WNK1: variants seen among roughly 807,000 people sequenced by gnomAD.
WNK1 encodes the protein serine/threonine-protein kinase WNK1.
In WNK1, 38 loss-of-function variants were observed where a neutral mutation model predicts 222.8. The ratio of observed to expected loss-of-function variants is 0.17; its 90% CI spans 0.13 to 0.22. The LOEUF is 0.22. Ranked by LOEUF, WNK1 falls within the 10% of genes least tolerant of loss-of-function variation. The pLI is 1.00. For synonymous variants in WNK1, 1,090 were observed against 1,092.9 expected, an observed-to-expected ratio of 1.00 and a Z score of 0.05; for missense variants, 2,348 against 2,918.4, an observed-to-expected ratio of 0.80 and a Z score of 4.50.
chr12:802,948 G>C (rs1353952455), intron 1 of WNK1, among the ~76,000 whole-genome samples: 5 of 152,096 alleles, frequency 3.3e-5, no homozygotes, highest in Non-Finnish European at 5.9e-5. Flanking sequence ...ATTTTCCATA[G>C]TATTCATATT....
chr12:881,930 T>C lies in WNK1; in HGVS notation c.3229T>C (p.Ser1077Pro), dbSNP rs764218387. Reference protein sequence around the residue: ...SVDSAHSDVASGMSDGNENVP... With the variant: ...SVDSAHSDVAPGMSDGNENVP... ...TCAAAGTGCACATTCAGATGTTGCTTCAGGTATGAGTGATGGCAATGAGAA... is the reference window on the plus strand; with the variant it reads ...TCAAAGTGCACATTCAGATGTTGCTCCAGGTATGAGTGATGGCAATGAGAA... The change falls in exon 14 of 28, where the codon TCA (serine) becomes CCA (proline). Residue 1077 changes from serine to proline, a missense_variant. Coordinates refer to ENST00000315939, the MANE Select transcript of WNK1 (RefSeq NM_018979.4). The C allele has an allele frequency of 1.2e-6, 2 of 1,614,208 alleles. No individual in the cohort carries two copies. The highest frequency in any genetic ancestry group is 2.2e-5 in the South Asian group (2 of 91,078).
chr12:802,964 CATG>C (rs1354485619), intron 1 of WNK1, among the ~76,000 whole-genome samples: 1 of 152,012 alleles, frequency 6.6e-6, no homozygotes, highest in African/African-American at 2.4e-5. Flanking sequence ...ATATTTTGAA[CATG>C]ATGAACAAGA....
chr12:879,323 C>G (rs1952909371), intron 10 of WNK1, among the ~76,000 whole-genome samples: 1 of 151,756 alleles, frequency 6.6e-6, no homozygotes. Flanking sequence ...GCAAATATTT[C>G]TATGACAAAA....
chr12:864,686 CTG>C (rs1313347903), intron 8 of WNK1, among the ~76,000 whole-genome samples: 2 of 152,164 alleles, frequency 1.3e-5, no homozygotes, highest in Admixed American at 6.5e-5. Flanking sequence ...TTAAAATTCT[CTG>C]TATCTTTTAA....
chr12:848,716 A>G (rs2154052933), intron 4 of WNK1, among the ~76,000 whole-genome samples: 1 of 152,242 alleles, frequency 6.6e-6, no homozygotes, highest in South Asian at 2.1e-4. Context: ...CGATTGAAAG[A>G]AATAGGGGAA....
intron 1 of WNK1, among the ~76,000 whole-genome samples, chr12:760,985 G>A (rs1181337020): frequency 1.4e-5 from 2 of 141,790 alleles, no homozygotes; most frequent in Admixed American, 7.1e-5. Context: ...GAGTTTCACC[G>A]TGTTGGACAG....
In WNK1 at chr12:753,893, G is replaced by A. The variant is rs777835259; in HGVS notation, c.328G>A (p.Ala110Thr). Residue 110 changes from alanine to threonine, a missense_variant, in exon 1 of 28, where the codon GCT becomes ACT. This residue lies in a region of WNK1 where 185 missense variants were observed against 159.2 expected (regional missense o/e 1.16). Coordinates refer to ENST00000315939, the MANE Select transcript of WNK1 (RefSeq NM_018979.4). The surrounding 1 kb of genome is among the most constrained non-coding windows in gnomAD (Gnocchi z 5.2). ...CCTGCCCCAGCCCAGCATCCCCGCG[G>A]CTGTCCCGCAGAGTGCTCCACCGGA... is the stretch of plus-strand genomic sequence containing the variant. ...LSLPQPSIPA[A>T]VPQSAPPEPH... The A allele has an allele frequency of 1.2e-6, 2 of 1,611,548 alleles. No homozygotes were observed. The highest frequency in any genetic ancestry group is 1.1e-5 in the South Asian group (1 of 91,004).
In WNK1 at chr12:830,175, A is replaced by G. The variant is rs1206386404; in HGVS notation, c.1311+15A>G. ...GCGTGACCAGTGTAAGTCTTCCCCT[A>G]ACTGATTGTTGAACTTGGGGCATAT... On this transcript the variant is annotated intron_variant, in intron 4 of 27. Coordinates refer to ENST00000315939, the MANE Select transcript of WNK1 (RefSeq NM_018979.4). 1 of 1,613,938 alleles carries G rather than the reference A, an allele frequency of 6.2e-7. No individual in the cohort carries two copies. The highest frequency in any genetic ancestry group is 1.7e-5 in the Admixed American group (1 of 59,998).
intron 25 of WNK1, among the ~76,000 whole-genome samples, chr12:898,407 C>T (rs1000253112): frequency 2.7e-5 from 4 of 149,400 alleles, no homozygotes; most frequent in African/African-American, 7.4e-5. Context: ...GGCATGAGCC[C>T]GGGAGGCGGA....
At chr12:791,943 C>T (rs1944881015) in intron 1 of WNK1, among the ~76,000 whole-genome samples, 1 of 152,156 alleles carries the variant, frequency 6.6e-6, no homozygotes, top group Admixed American at 6.5e-5. Flanking sequence ...CTTTATTCTA[C>T]CCAGGTCCTA....
At chr12:868,849 C>G in intron 8 of WNK1, 1 of 1,613,930 alleles carries the variant, frequency 6.2e-7, no homozygotes. Flanking sequence ...TCGGACAGAA[C>G]TGGCCAATAG....
At chr12:770,572 A>G (rs1440308554) in intron 1 of WNK1, among the ~76,000 whole-genome samples, 1 of 152,214 alleles carries the variant, frequency 6.6e-6, no homozygotes, top group African/African-American at 2.4e-5. Context: ...TTCTATTAAA[A>G]TGCTGTGAAA....
chr12:792,016 A>G (rs926990339), intron 1 of WNK1, among the ~76,000 whole-genome samples: 1 of 152,210 alleles, frequency 6.6e-6, no homozygotes, highest in East Asian at 1.9e-4. Flanking sequence ...ACTGTTGGTC[A>G]GCCTTCCTGC....
chr12:886,700 A>G (rs1953694960), intron 19 of WNK1, among the ~76,000 whole-genome samples: 2 of 152,208 alleles, frequency 1.3e-5, no homozygotes, highest in African/African-American at 4.8e-5. Flanking sequence ...CTCTTTCTGC[A>G]TTGCCATTGA....
At chr12:805,829 TGTG>T (rs953627657) in intron 1 of WNK1, among the ~76,000 whole-genome samples, 5 of 152,208 alleles carry the variant, frequency 3.3e-5, no homozygotes, top group African/African-American at 1.2e-4. Flanking sequence ...AATGAAATCT[TGTG>T]GTCACCTACA....
intron 1 of WNK1, among the ~76,000 whole-genome samples, chr12:795,132 T>A (rs1411540595): frequency 6.6e-6 from 1 of 152,134 alleles, no homozygotes. Context: ...AGAATTCCTC[T>A]TATATTTTTT....
At chr12:882,177 A>T (rs1364433373) in intron 14 of WNK1, 104 bp downstream of exon 14, 1 of 1,312,818 alleles carries the variant, frequency 7.6e-7, no homozygotes, top group South Asian at 1.3e-5. Flanking sequence ...TAAAATAAAG[A>T]TAACTATCTG....
At chr12:843,770 G>C (rs1355434183) in intron 4 of WNK1, among the ~76,000 whole-genome samples, 2 of 152,158 alleles carry the variant, frequency 1.3e-5, no homozygotes, top group Admixed American at 6.5e-5. Context: ...CAGCATCTCA[G>C]GGTGCTTGTA....
chr12:903,273 A>C (rs771486634), intron 26 of WNK1, among the ~76,000 whole-genome samples: 2 of 152,154 alleles, frequency 1.3e-5, no homozygotes, highest in African/African-American at 2.4e-5. Context: ...TTAACAAAGA[A>C]GCGGGTGGAA....
Sources: gnomAD v4.1 joint callset for allele counts (sites outside exome capture counted in the v4.1 genomes callset) on GRCh38, gnomAD v4.1.1 for gene constraint, gnomAD v4.1.1 regional missense constraint, Gnocchi (gnomAD v3.1) non-coding constraint, MANE v1.5 for transcripts, NCBI Gene and HGNC (gene_info 2026-07-23, HGNC 2026-07-21) for gene names.